The following ZNF236 variants were observed in gnomAD, a reference collection of about 807,000 sequenced individuals.
The protein encoded by ZNF236 is regulated by glucose.
Under a neutral mutation model 191.2 loss-of-function variants are expected in ZNF236, and 50 were observed. The observed-to-expected ratio is 0.26, with a 90% confidence interval of 0.21 to 0.33. The LOEUF is 0.33. Among genes scored for constraint, ZNF236 ranks in the 10% least tolerant of loss-of-function variants. ZNF236 has a pLI of 1.00. For synonymous variants in ZNF236, 907 were observed against 928.8 expected, an observed-to-expected ratio of 0.98 and a Z score of 0.43; for missense variants, 1,754 against 2,374.5, an observed-to-expected ratio of 0.74 and a Z score of 5.43.
intron 5 of ZNF236, 79 bp downstream of exon 5, chr18:76,871,904 G>A (rs1976594495): frequency 1.3e-6 from 2 of 1,543,948 alleles, no homozygotes; most frequent in East Asian, 4.5e-5. Context: ...AGCTCGACTT[G>A]GAATCTGATC....
At position 76,972,754 on chromosome 18, in the gene ZNF236, CT is replaced by C. The variant is rs1182269596; in HGVS notation, c.*4420del. 1.3e-5 allele frequency among the ~76,000 whole-genome samples: 2 copies of C among 152,036 alleles called. No homozygotes were observed. Among genetic ancestry groups the C allele is most frequent in the Non-Finnish European group, 2.9e-5 (2 of 68,006 alleles). Reference sequence around the variant, plus strand: ...TTTTTTTTAATTACAGAAGAATTCTCTTTTTATCTTCACAATTGTTTCATGA... The same window carrying C: ...TTTTTTTTAATTACAGAAGAATTCTCTTTTATCTTCACAATTGTTTCATGA... On this transcript the variant is annotated 3_prime_UTR_variant, in exon 31 of 31. Coordinates refer to ENST00000320610, the MANE Select transcript of ZNF236 (RefSeq NM_001306089.2).
In ZNF236 at chr18:76,843,775, CAAAAAAAAAAAAA is replaced by C. The variant is rs780026489; in HGVS notation, c.56-5733_56-5721del. Reference sequence around the variant, plus strand: ...TGGGCTACAGAGGGAGACTCCGTCTCAAAAAAAAAAAAAAAAAAAAAAAAAAAAAAGTAAAGAA... The same window carrying C: ...TGGGCTACAGAGGGAGACTCCGTCTCAAAAAAAAAAAAAAAAAGTAAAGAA... On this transcript the variant is annotated intron_variant, in intron 1 of 30. Transcript: ENST00000320610. Among the ~76,000 whole-genome samples the C allele has an allele frequency of 2.3e-3, 19 of 8,258 alleles. 1 individual carries two copies. In the South Asian group the frequency reaches 0.03, roughly 13 times the overall value. 5.4% of individuals were successfully genotyped at this position (8,258 alleles called of 152,430 possible).
At chr18:76,851,991 C>G in intron 3 of ZNF236, 52 bp downstream of exon 3, 1 of 1,526,274 alleles carries the variant, frequency 6.6e-7, no homozygotes, top group Non-Finnish European at 8.9e-7. Context: ...TAAAATACAT[C>G]TGATCATGAG....
chr18:76,959,704 C>T lies in ZNF236; in HGVS notation c.5130C>T (p.His1710=). Residue 1710 remains histidine (H), a synonymous_variant, in exon 29 of 31, where the codon CAC becomes CAT. Transcript: ENST00000320610. ...TCTCCCAGGAGCACATGCAGACACACCAGGCCGGCCCCTCTTTGAGCTCCC... is the reference window on the plus strand; with the variant it reads ...TCTCCCAGGAGCACATGCAGACACATCAGGCCGGCCCCTCTTTGAGCTCCC... ...ATHLKEHMQT[H]QAGPSLSSQK... The T allele has an allele frequency of 6.2e-7, 1 of 1,613,120 alleles. No homozygotes were observed.
intron 27 of ZNF236, among the ~76,000 whole-genome samples, chr18:76,954,422 T>G (rs959153585): frequency 2.0e-5 from 3 of 152,262 alleles, no homozygotes; most frequent in African/African-American, 4.8e-5. Context: ...GGTTTTTGTT[T>G]GAGTTGATGT....
chr18:76,854,884 A>G (rs1330324253), intron 3 of ZNF236, among the ~76,000 whole-genome samples: 2 of 152,166 alleles, frequency 1.3e-5, no homozygotes, highest in African/African-American at 4.8e-5. Flanking sequence ...TGTGTCACTT[A>G]TCAATAGTGC....
chr18:76,853,502 A>G (rs185951063), intron 3 of ZNF236, among the ~76,000 whole-genome samples: 1 of 152,220 alleles, frequency 6.6e-6, no homozygotes, highest in Non-Finnish European at 1.5e-5. Flanking sequence ...TTGGAAAAAA[A>G]TTAGTTATAA....
chr18:76,853,746 C>T (rs1473157140), intron 3 of ZNF236, among the ~76,000 whole-genome samples: 2 of 152,096 alleles, frequency 1.3e-5, no homozygotes, highest in African/African-American at 4.8e-5. Context: ...CATGGTGGCT[C>T]ATGTCTGTAA....
At chr18:76,869,767 C>A (rs1341505659) in intron 4 of ZNF236, among the ~76,000 whole-genome samples, 3 of 152,068 alleles carry the variant, frequency 2.0e-5, no homozygotes, top group Non-Finnish European at 2.9e-5. Flanking sequence ...ACCAGCCTAG[C>A]CAACATGGTG....
intron 1 of ZNF236, among the ~76,000 whole-genome samples, chr18:76,840,663 T>C (rs978790207): frequency 4.9e-5 from 7 of 143,000 alleles, no homozygotes; most frequent in African/African-American, 1.8e-4. Flanking sequence ...TCTTGCTCTG[T>C]CACTCAGGCT....
intron 3 of ZNF236, among the ~76,000 whole-genome samples, chr18:76,865,904 C>A (rs1190493658): frequency 6.6e-6 from 1 of 152,178 alleles, no homozygotes; most frequent in East Asian, 1.9e-4. Context: ...TAAGGTGTTC[C>A]GTTTTTAAGT....
At chr18:76,901,289 C>T (rs1265791703) in intron 11 of ZNF236, among the ~76,000 whole-genome samples, 1 of 152,140 alleles carries the variant, frequency 6.6e-6, no homozygotes, top group African/African-American at 2.4e-5. Flanking sequence ...AGCACAGATA[C>T]AAATGAGGTA....
chr18:76,898,288 A>G (rs1977493731), intron 10 of ZNF236: 1 of 152,286 alleles, frequency 6.6e-6, no homozygotes, highest in Admixed American at 6.5e-5. Flanking sequence ...TGCACTCTAC[A>G]CCACTGTCTG....
chr18:76,937,040 G>A (rs1968018109), intron 25 of ZNF236, 116 bp from the exon 26 acceptor site: 5 of 859,006 alleles, frequency 5.8e-6, no homozygotes, highest in Non-Finnish European at 9.1e-6. Flanking sequence ...GGTGCAGCTT[G>A]GAGACCTCGG....
intron 27 of ZNF236, among the ~76,000 whole-genome samples, chr18:76,954,272 A>G (rs955596114): frequency 1.3e-5 from 2 of 152,190 alleles, no homozygotes; most frequent in African/African-American, 4.8e-5. Context: ...TCCTTGAATG[A>G]TGTGGACCAG....
chr18:76,942,672 C>T (rs1242492861), intron 26 of ZNF236, among the ~76,000 whole-genome samples: 8 of 150,904 alleles, frequency 5.3e-5, no homozygotes, highest in African/African-American at 1.5e-4. Context: ...CCACCATGCC[C>T]GGCTACCTTT....
intron 3 of ZNF236, among the ~76,000 whole-genome samples, chr18:76,856,662 G>A (rs1359813973): frequency 2.6e-5 from 4 of 151,758 alleles, no homozygotes; most frequent in Non-Finnish European, 4.4e-5. Context: ...TTTTTGCAAG[G>A]TGGATGTGTG....
At chr18:76,881,589 T>A (rs1336079050) in intron 9 of ZNF236, 77 bp downstream of exon 9, 4 of 1,286,814 alleles carry the variant, frequency 3.1e-6, no homozygotes, top group Non-Finnish European at 4.3e-6. Flanking sequence ...CCCTTCTTTT[T>A]TCCTCTGAAG....
chr18:76,901,614 C>T (rs569181143), intron 11 of ZNF236, among the ~76,000 whole-genome samples: 7 of 152,106 alleles, frequency 4.6e-5, no homozygotes, highest in East Asian at 3.9e-4. Flanking sequence ...ATAAATTAGC[C>T]GGGCGTGGTG....
Sources: allele counts gnomAD v4.1 joint callset (sites outside exome capture counted in the v4.1 genomes callset), GRCh38; gene constraint gnomAD v4.1.1; transcripts MANE v1.5; gene names NCBI Gene and HGNC (gene_info 2026-07-23, HGNC 2026-07-21).